Variants in PENK observed in about 807,000 individuals in gnomAD.
PENK encodes proenkephalin-A.
Under a neutral mutation model 24.1 loss-of-function variants are expected in PENK, and 25 were observed. The observed-to-expected ratio is 1.04, with a 90% CI of 0.76 to 1.45. PENK has a LOEUF of 1.45. Ranked by LOEUF, PENK falls within the 40% of genes most tolerant of loss-of-function variation. The probability of loss-of-function intolerance (pLI) is 0.00; values close to 1 mark genes in which losing one functional copy is unlikely to be tolerated. For missense variants in PENK, 353 were observed against 337.9 expected (o/e 1.04, Z -0.35); for synonymous variants, 135 against 130.3 (o/e 1.04, Z -0.24).
At chr8:56,442,207 A>T (rs892760333) in intron 3 of PENK, among the ~76,000 whole-genome samples, 3 of 152,174 alleles carry the variant, frequency 2.0e-5, no homozygotes, top group East Asian at 1.9e-4. Flanking sequence ...AAAGAATTTA[A>T]AAAAAAATTT....
chr8:56,445,592 T>C, intron 3 of PENK: 1 of 642,844 alleles, frequency 1.6e-6, no homozygotes. Flanking sequence ...CCCTTACCGG[T>C]CCCCAGATAG....
At chr8:56,445,058 G>C (rs1804628674) in intron 3 of PENK, among the ~76,000 whole-genome samples, 1 of 150,932 alleles carries the variant, frequency 6.6e-6, no homozygotes, top group South Asian at 2.1e-4. Flanking sequence ...CTGTAGTGCA[G>C]TGTATCTTTG....
Position 56,446,640 on chromosome 8 carries a change from C to G in PENK, c.-131G>C, listed in dbSNP as rs960479063. On this transcript the variant is annotated 5_prime_UTR_variant, in exon 1 of 4. Transcript: ENST00000451791. ...GGCTCTGAGCGCCTGCCTCGCCGTC[C>G]CGGGGCTTAACGGCTGCTGGAGCCA... The G allele has an allele frequency of 6.6e-6, 1 of 152,284 alleles. No individual in the cohort carries two copies. Among genetic ancestry groups the G allele is most frequent in the African/African-American group, 2.4e-5 (1 of 41,454 alleles). The allele number at this position is 152,284 out of a possible 1,614,324, so 9.4% of individuals were successfully genotyped here. A position where few individuals can be genotyped will look rare whatever the true frequency, so the allele number is the denominator to read the frequency against.
At chr8:56,446,184 C>T (rs1804662128) in intron 2 of PENK, 2 of 536,394 alleles carry the variant, frequency 3.7e-6, no homozygotes, top group South Asian at 3.0e-5. Flanking sequence ...CAACGCGAGG[C>T]TGCCTGGGGC....
intron 3 of PENK, chr8:56,443,730 G>T (rs1804599851): frequency 2.5e-6 from 1 of 405,854 alleles, no homozygotes; most frequent in African/African-American, 2.0e-5. Flanking sequence ...CCAGAATGTT[G>T]TAATTCTAGC....
At chr8:56,442,587 A>G (rs1804579810) in intron 3 of PENK, among the ~76,000 whole-genome samples, 1 of 142,784 alleles carries the variant, frequency 7.0e-6, no homozygotes, top group Non-Finnish European at 1.6e-5. Context: ...AATTTGTTGT[A>G]AGTACAGATC....
chr8:56,445,773 C>G (rs746975349), intron 3 of PENK, 43 bp downstream of exon 3: 1 of 1,612,766 alleles, frequency 6.2e-7, no homozygotes, highest in East Asian at 2.2e-5. Flanking sequence ...TGCGGAAACT[C>G]TGTCTCACAA....
chr8:56,444,520 G>A (rs1338857394), intron 3 of PENK, among the ~76,000 whole-genome samples: 1 of 152,194 alleles, frequency 6.6e-6, no homozygotes, highest in Non-Finnish European at 1.5e-5. Context: ...CCTTATATTT[G>A]TAGCACTGGC....
Position 56,445,854 on chromosome 8 carries a change from T to A in PENK, c.100A>T (p.Ser34Cys). 1.9e-6 allele frequency: 3 copies of A among 1,613,356 alleles called. No homozygotes were observed. Among genetic ancestry groups the A allele is most frequent in the Non-Finnish European group, 2.5e-6 (3 of 1,179,910 alleles). The change falls in exon 3 of 4, where the codon AGC becomes TGC. Residue 34 changes from serine (S) to cysteine (C), a missense_variant. By Grantham distance (112) the Ser-to-Cys change is moderately radical. Transcript: ENST00000451791. Reference protein sequence around the residue: ...AECSQDCATCSYRLVRPADIN... With the variant: ...AECSQDCATCCYRLVRPADIN... Reference sequence around the variant, plus strand: ...TCGGCCGGGCGCACTAGGCGGTAGCTGCACGTCGCGCAATCCTGGCTGCAT... The same window carrying A: ...TCGGCCGGGCGCACTAGGCGGTAGCAGCACGTCGCGCAATCCTGGCTGCAT...
chr8:56,444,957 A>C (rs1175725084), intron 3 of PENK, among the ~76,000 whole-genome samples: 1 of 152,264 alleles, frequency 6.6e-6, no homozygotes, highest in African/African-American at 2.4e-5. Flanking sequence ...ATTCAGACTC[A>C]GTAGAGCACC....
At chr8:56,446,120 G>A (rs1258954647) in intron 2 of PENK, 164 bp from the exon 3 acceptor site, 32 of 769,672 alleles carry the variant, frequency 4.2e-5, no homozygotes, top group South Asian at 4.0e-4. Context: ...CTTTTAGGTA[G>A]ACGTGGAGGC....
In PENK at chr8:56,441,773, C is replaced by G; in HGVS notation, c.303G>C (p.Gly101=). The G allele has an allele frequency of 6.2e-7, 1 of 1,613,428 alleles. No individual in the cohort carries two copies. The highest frequency in any genetic ancestry group is 1.1e-5 in the South Asian group (1 of 91,086). The change falls in exon 4 of 4, where the codon GGG becomes GGC. Residue 101 remains glycine, a synonymous_variant. Transcript: ENST00000451791. ...AGCCTCCATACCTTTTCATGAAGCCCCCATACCTTTTGGCTAGCAAATGGC... is the reference window on the plus strand; with the variant it reads ...AGCCTCCATACCTTTTCATGAAGCCGCCATACCTTTTGGCTAGCAAATGGC... The part of the protein sequence containing the change: ...EESHLLAKRY[G]GFMKRYGGFM...
intron 3 of PENK, chr8:56,445,452 G>A (rs1804637894): frequency 2.0e-6 from 1 of 489,526 alleles, no homozygotes; most frequent in East Asian, 3.0e-5. Context: ...AGGAGTTGTG[G>A]TGACAGCCAT....
intron 3 of PENK, chr8:56,443,688 T>A: frequency 2.8e-6 from 1 of 358,368 alleles, no homozygotes; most frequent in Non-Finnish European, 5.0e-6. Flanking sequence ...CAACCTCGTT[T>A]CTCACATGTC....
chr8:56,446,129 G>A (rs1369997010), intron 2 of PENK, 173 bp from the exon 3 acceptor site: 2 of 671,500 alleles, frequency 3.0e-6, no homozygotes, highest in East Asian at 5.6e-5. Context: ...AGACGTGGAG[G>A]CGACTCAGAT....
chr8:56,443,300 A>T (rs893043408), intron 3 of PENK, among the ~76,000 whole-genome samples: 1 of 152,228 alleles, frequency 6.6e-6, no homozygotes, highest in Admixed American at 6.5e-5. Context: ...TTTCCATTCT[A>T]AAGTTGTATC....
At chr8:56,444,794 A>G (rs10217068) in intron 3 of PENK, among the ~76,000 whole-genome samples, 1,890 of 152,308 alleles carry the variant, frequency 0.012, 44 homozygotes, top group African/African-American at 0.04. Context: ...AATTTCCTCA[A>G]TTCCAGGTGG....
Position 56,441,054 on chromosome 8 carries a change from A to G in PENK, c.*218T>C. The G allele has an allele frequency of 2.2e-6, 1 of 453,266 alleles. No individual in the cohort carries two copies. The highest frequency in any genetic ancestry group is 3.1e-5 in the East Asian group (1 of 32,278). 28.1% of individuals were successfully genotyped at this position (453,266 alleles called of 1,614,324 possible). Reference sequence around the variant, plus strand: ...ACAAGATAACAAAAACTATTTTAGCATGAAAACGAGATAGCTGCAATAGAC... The same window carrying G: ...ACAAGATAACAAAAACTATTTTAGCGTGAAAACGAGATAGCTGCAATAGAC... On this transcript the variant is annotated 3_prime_UTR_variant, in exon 4 of 4. Transcript: ENST00000451791.
chr8:56,445,509 T>C (rs1804639231), intron 3 of PENK: 2 of 596,086 alleles, frequency 3.4e-6, no homozygotes, highest in South Asian at 4.0e-5. Flanking sequence ...TCCGAGGTGC[T>C]GAACAGAGGA....
Sources: allele counts gnomAD v4.1 joint callset (sites outside exome capture counted in the v4.1 genomes callset), GRCh38; gene constraint gnomAD v4.1.1; transcripts MANE v1.5; gene names NCBI Gene and HGNC (gene_info 2026-07-23, HGNC 2026-07-21).